ARHGEF4: variants seen among roughly 807,000 people sequenced by gnomAD.
The protein encoded by ARHGEF4 is Rho guanine nucleotide exchange factor 4, also known as APC-stimulated guanine nucleotide exchange factor 1.
ARHGEF4 carries 119 observed loss-of-function variants against 162.0 expected under a neutral mutation model. The observed-to-expected ratio is 0.73, with a 90% CI of 0.63 to 0.86. The LOEUF is 0.86. Among genes scored for constraint, ARHGEF4 ranks in the 40% least tolerant of loss-of-function variants. ARHGEF4 has a pLI of 0.00. For missense variants in ARHGEF4, 2,488 were observed against 2,456.0 expected, an observed-to-expected ratio of 1.01 and a Z score of -0.28; for synonymous variants, 1,014 against 979.9, an observed-to-expected ratio of 1.03 and a Z score of -0.65.
intron 5 of ARHGEF4, among the ~76,000 whole-genome samples, chr2:131,031,856 C>G (rs1689877068): frequency 6.6e-6 from 1 of 152,220 alleles, no homozygotes; most frequent in African/African-American, 2.4e-5. Context: ...TGAGGCCACC[C>G]TAAGCCCCCT....
intron 1 of ARHGEF4, among the ~76,000 whole-genome samples, chr2:130,883,438 G>T (rs575644334): frequency 6.6e-6 from 1 of 152,184 alleles, no homozygotes; most frequent in Admixed American, 6.5e-5. Context: ...ATTTTTTTCA[G>T]AATAAAAAAG....
intron 4 of ARHGEF4, among the ~76,000 whole-genome samples, chr2:130,976,046 G>T: frequency 6.6e-6 from 1 of 152,108 alleles, no homozygotes; most frequent in South Asian, 2.1e-4. Flanking sequence ...TCGACCTCAG[G>T]TCTATCCGAA....
intron 4 of ARHGEF4, among the ~76,000 whole-genome samples, chr2:131,019,644 G>T (rs1055354635): frequency 9.9e-5 from 15 of 150,832 alleles, no homozygotes; most frequent in African/African-American, 3.4e-4. Context: ...TTTTGTTTTT[G>T]TTTTTTTGAG....
intron 4 of ARHGEF4, among the ~76,000 whole-genome samples, chr2:131,004,744 AAGAAT>A (rs1688008424): frequency 6.6e-6 from 1 of 152,156 alleles, no homozygotes; most frequent in Non-Finnish European, 1.5e-5. Flanking sequence ...GGAGAGGATG[AAGAAT>A]AGTCTGCCCT....
Position 130,946,525 on chromosome 2 carries a change from T to C in ARHGEF4, c.3875T>C (p.Ile1292Thr). 1 of 1,612,988 alleles carries C rather than the reference T, an allele frequency of 6.2e-7. No homozygotes were observed. The highest frequency in any genetic ancestry group is 1.1e-5 in the South Asian group (1 of 90,976). ...CTCTTCCAGTGCTGGAGAAAGACGA[T>C]CATTACCTCTCCAGAGTCTTTGAAT... is the stretch of plus-strand genomic sequence containing the variant. ...KDGVKCWRKT[I>T]ITSPESLNLP... Residue 1292 changes from isoleucine (I) to threonine (T), a missense_variant, in exon 4 of 14, where the codon ATC (isoleucine) becomes ACC (threonine). By Grantham distance (89) the Ile-to-Thr change is moderately conservative. This residue lies in a region of ARHGEF4 where 1,642 missense variants were observed against 1,481.5 expected (regional missense o/e 1.11). Coordinates refer to ENST00000409359, the MANE Select transcript of ARHGEF4 (RefSeq NM_001367493.1).
intron 3 of ARHGEF4, among the ~76,000 whole-genome samples, chr2:130,933,206 C>A (rs1173662499): frequency 9.4e-6 from 1 of 106,162 alleles, no homozygotes; most frequent in Non-Finnish European, 2.2e-5. Context: ...CAGAGTGAGA[C>A]CCTGTCTCAA....
At chr2:130,840,177 GAC>G (rs1184210502) in intron 1 of ARHGEF4, among the ~76,000 whole-genome samples, 8 of 151,694 alleles carry the variant, frequency 5.3e-5, no homozygotes, top group Non-Finnish European at 8.8e-5. Context: ...ACACACTTGG[GAC>G]ACACAGGCAC....
At chr2:130,961,422 C>T (rs981116345) in intron 4 of ARHGEF4, among the ~76,000 whole-genome samples, 4 of 152,110 alleles carry the variant, frequency 2.6e-5, no homozygotes, top group Admixed American at 6.5e-5. Context: ...GTGAAAGGGA[C>T]AGTAAGTGCC....
chr2:131,009,463 C>T (rs1313295451), intron 4 of ARHGEF4, among the ~76,000 whole-genome samples: 1 of 152,136 alleles, frequency 6.6e-6, no homozygotes, highest in Non-Finnish European at 1.5e-5. Context: ...AGAATTGTTT[C>T]TGCTTCATTC....
At chr2:131,040,461 C>A in intron 8 of ARHGEF4, 21 bp downstream of exon 8, 1 of 1,534,700 alleles carries the variant, frequency 6.5e-7, no homozygotes, top group South Asian at 1.2e-5. Flanking sequence ...GGCCCCCGGC[C>A]CCTACCTGGG....
At chr2:131,005,017 C>T (rs1688029654) in intron 4 of ARHGEF4, among the ~76,000 whole-genome samples, 1 of 152,132 alleles carries the variant, frequency 6.6e-6, no homozygotes, top group Non-Finnish European at 1.5e-5. Flanking sequence ...CAGACTGCAG[C>T]CCAGCTGGAA....
intron 4 of ARHGEF4, among the ~76,000 whole-genome samples, chr2:131,005,188 C>G (rs1354131999): frequency 6.6e-6 from 1 of 152,174 alleles, no homozygotes; most frequent in Non-Finnish European, 1.5e-5. Context: ...GGAAGCCATC[C>G]GCAGTCAGCA....
At chr2:130,986,879 C>T (rs188974510) in intron 4 of ARHGEF4, among the ~76,000 whole-genome samples, 94 of 152,324 alleles carry the variant, frequency 6.2e-4, no homozygotes, top group African/African-American at 2.1e-3. Context: ...TGCCTAGGCC[C>T]GCAGGAGAGC....
At chr2:130,926,356 C>T (rs961006175) in intron 2 of ARHGEF4, among the ~76,000 whole-genome samples, 5 of 151,868 alleles carry the variant, frequency 3.3e-5, no homozygotes, top group Non-Finnish European at 7.4e-5. Flanking sequence ...GCTTTAAAAT[C>T]TTTGTTTGAT....
At chr2:130,907,789 T>C (rs886161255) in intron 1 of ARHGEF4, among the ~76,000 whole-genome samples, 1 of 151,804 alleles carries the variant, frequency 6.6e-6, no homozygotes, top group Admixed American at 6.6e-5. Context: ...ACCCCATCTC[T>C]ACTAAACGTA....
intron 1 of ARHGEF4, among the ~76,000 whole-genome samples, chr2:130,907,550 T>C (rs975524045): frequency 7.9e-5 from 12 of 152,110 alleles, no homozygotes; most frequent in Admixed American, 7.2e-4. Context: ...GTTGTATTAT[T>C]GTATGGATAT....
chr2:131,039,472 G>C, intron 6 of ARHGEF4: 1 of 1,022,756 alleles, frequency 9.8e-7, no homozygotes, highest in Non-Finnish European at 1.2e-6. Flanking sequence ...TCCATCTAAG[G>C]GGGTCTCCAG....
At chr2:130,977,343 G>A (rs561265135) in intron 4 of ARHGEF4, among the ~76,000 whole-genome samples, 1 of 152,052 alleles carries the variant, frequency 6.6e-6, no homozygotes, top group East Asian at 1.9e-4. Context: ...AGTATGTGGT[G>A]TGTGTAGAGT....
At chr2:130,949,937 C>G (rs2105158660) in intron 4 of ARHGEF4, among the ~76,000 whole-genome samples, 1 of 152,356 alleles carries the variant, frequency 6.6e-6, no homozygotes, top group East Asian at 1.9e-4. Flanking sequence ...GCGTGAGCCA[C>G]CACACATGGC....
Sources: gnomAD v4.1 joint callset for allele counts (sites outside exome capture counted in the v4.1 genomes callset) on GRCh38, gnomAD v4.1.1 for gene constraint, gnomAD v4.1.1 regional missense constraint, MANE v1.5 for transcripts, NCBI Gene and HGNC (gene_info 2026-07-23, HGNC 2026-07-21) for gene names.